The following ALK variants were observed in gnomAD, a reference collection of about 807,000 sequenced individuals.
ALK encodes the protein ALK receptor tyrosine kinase.
ALK carries 74 observed loss-of-function variants against 163.1 expected under a neutral mutation model. The ratio of observed to expected loss-of-function variants is 0.45; its 90% CI spans 0.38 to 0.55. ALK has a LOEUF of 0.55. Among genes scored for constraint, ALK ranks in the 20% least tolerant of loss-of-function variants. The pLI is 0.00. For missense variants in ALK, 2,063 were observed against 2,105.3 expected, an observed-to-expected ratio of 0.98 and a Z score of 0.39; for synonymous variants, 960 against 843.2, an observed-to-expected ratio of 1.14 and a Z score of -2.40.
chr2:29,284,815 A>G (rs1482210380), intron 9 of ALK, among the ~76,000 whole-genome samples: 1 of 152,210 alleles, frequency 6.6e-6, no homozygotes, highest in Non-Finnish European at 1.5e-5. Flanking sequence ...TGATTTCTAT[A>G]TATCAATGCC....
chr2:29,316,023 GC>G (rs1245297279), intron 8 of ALK, among the ~76,000 whole-genome samples: 6 of 152,146 alleles, frequency 3.9e-5, no homozygotes, highest in Admixed American at 3.3e-4. Flanking sequence ...GGGTTTGAAA[GC>G]CCTGAGTGAA....
intron 3 of ALK, among the ~76,000 whole-genome samples, chr2:29,686,829 T>C (rs949027172): frequency 6.6e-6 from 1 of 152,160 alleles, no homozygotes; most frequent in East Asian, 1.9e-4. Flanking sequence ...TGCCACTCAT[T>C]AAGGCAACCC....
At chr2:29,663,610 T>G (rs1677418120) in intron 3 of ALK, among the ~76,000 whole-genome samples, 1 of 152,180 alleles carries the variant, frequency 6.6e-6, no homozygotes, top group East Asian at 1.9e-4. Context: ...ACAGTTGTAT[T>G]GTGTGTCTAA....
chr2:29,368,092 C>A (rs762571890), intron 5 of ALK, among the ~76,000 whole-genome samples: 28 of 152,182 alleles, frequency 1.8e-4, no homozygotes, highest in Admixed American at 3.9e-4. Context: ...AAGGGGATGG[C>A]TTAGTGTTTA....
chr2:29,847,822 A>AGAGAGC (rs907116682), intron 1 of ALK, among the ~76,000 whole-genome samples: 8 of 151,776 alleles, frequency 5.3e-5, no homozygotes, highest in African/African-American at 1.9e-4. Flanking sequence ...AAGAGAAATG[A>AGAGAGC]GAGAGCGTAG....
chr2:29,694,801 C>T (rs750144461), intron 3 of ALK, 49 bp downstream of exon 3: 18 of 1,608,686 alleles, frequency 1.1e-5, no homozygotes, highest in Admixed American at 1.7e-5. Flanking sequence ...ATAGGTATTC[C>T]AGCCTGGCCC....
At chr2:29,665,212 C>T (rs544088967) in intron 3 of ALK, among the ~76,000 whole-genome samples, 3 of 151,794 alleles carry the variant, frequency 2.0e-5, no homozygotes, top group Non-Finnish European at 4.4e-5. Flanking sequence ...ATCTCAAACT[C>T]CTGGACTCAA....
intron 4 of ALK, among the ~76,000 whole-genome samples, chr2:29,440,030 G>A (rs1027258292): frequency 6.6e-5 from 10 of 151,894 alleles, no homozygotes; most frequent in Non-Finnish European, 1.0e-4. Flanking sequence ...TCAGGAGTTC[G>A]AGACCAGCCT....
chr2:29,864,235 G>A (rs1285281171), intron 1 of ALK, among the ~76,000 whole-genome samples: 3 of 152,094 alleles, frequency 2.0e-5, no homozygotes, highest in African/African-American at 7.2e-5. Context: ...TTGTCACAGG[G>A]CAGTCACAGC....
At chr2:29,668,398 A>T (rs1167965513) in intron 3 of ALK, among the ~76,000 whole-genome samples, 4 of 152,076 alleles carry the variant, frequency 2.6e-5, no homozygotes, top group Non-Finnish European at 5.9e-5. Flanking sequence ...TTATTGCTAT[A>T]AACTCCCTGT....
At chr2:29,222,277 A>G (rs2148168290) in intron 22 of ALK, 67 bp downstream of exon 22, 1 of 1,460,848 alleles carries the variant, frequency 6.8e-7, no homozygotes, top group African/African-American at 1.4e-5. Context: ...TCGATCTGTT[A>G]GAAACCTCTC....
chr2:29,601,659 G>A (rs1055510455), intron 3 of ALK, among the ~76,000 whole-genome samples: 6 of 152,234 alleles, frequency 3.9e-5, no homozygotes, highest in South Asian at 2.1e-4. Flanking sequence ...GAAGTGAGCC[G>A]TGGGAAGAGT....
At chr2:29,398,673 G>C (rs1399983988) in intron 4 of ALK, among the ~76,000 whole-genome samples, 1 of 152,092 alleles carries the variant, frequency 6.6e-6, no homozygotes, top group Non-Finnish European at 1.5e-5. Flanking sequence ...TATGGAGCTG[G>C]GCAGGAGAGC....
intron 1 of ALK, among the ~76,000 whole-genome samples, chr2:29,779,900 G>A (rs1257502980): frequency 6.6e-6 from 1 of 152,180 alleles, no homozygotes; most frequent in Non-Finnish European, 1.5e-5. Flanking sequence ...TAGCCACTTT[G>A]GGACAATTAT....
At chr2:29,666,756 A>G (rs1677524653) in intron 3 of ALK, among the ~76,000 whole-genome samples, 1 of 152,130 alleles carries the variant, frequency 6.6e-6, no homozygotes, top group Non-Finnish European at 1.5e-5. Flanking sequence ...TACTGTCTTT[A>G]CTATTTTAAG....
At chr2:29,225,299 G>A (rs1284972172) in intron 19 of ALK, among the ~76,000 whole-genome samples, 162 bp downstream of exon 19, 1 of 152,168 alleles carries the variant, frequency 6.6e-6, no homozygotes, top group Admixed American at 6.5e-5. Context: ...AAGGTTGGGA[G>A]CTTCCGTTTT....
chr2:29,678,070 T>A (rs1486121932), intron 3 of ALK, among the ~76,000 whole-genome samples: 2 of 152,056 alleles, frequency 1.3e-5, no homozygotes, highest in Non-Finnish European at 2.9e-5. Context: ...TATTGTCATA[T>A]CTAAGGTGTC....
At chr2:29,486,708 A>G (rs1372886930) in intron 4 of ALK, among the ~76,000 whole-genome samples, 1 of 152,212 alleles carries the variant, frequency 6.6e-6, no homozygotes, top group African/African-American at 2.4e-5. Context: ...TTGCTTTCAC[A>G]GTGTGTTTTG....
intron 1 of ALK, among the ~76,000 whole-genome samples, chr2:29,916,081 T>C (rs1667826044): frequency 6.6e-6 from 1 of 152,218 alleles, no homozygotes; most frequent in Non-Finnish European, 1.5e-5. Flanking sequence ...CAGCTCTCTG[T>C]CCTGTTGTAG....
Sources: gnomAD v4.1 joint callset for allele counts (sites outside exome capture counted in the v4.1 genomes callset) on GRCh38, gnomAD v4.1.1 for gene constraint, MANE v1.5 for transcripts, NCBI Gene and HGNC (gene_info 2026-07-23, HGNC 2026-07-21) for gene names.